DNAH5: variants seen among roughly 807,000 people sequenced by gnomAD.
DNAH5 encodes axonemal beta dynein heavy chain 5.
A neutral mutation model predicts 518.2 loss-of-function variants in DNAH5; 372 were observed. That is an observed-to-expected ratio of 0.72 (90% CI 0.66 to 0.78). The LOEUF (loss-of-function observed/expected upper bound fraction) is 0.78, where lower values mean the gene tolerates loss of function less well. Among genes scored for constraint, DNAH5 ranks in the 30% least tolerant of loss-of-function variants. The pLI is 0.00. For missense variants in DNAH5, 5,523 were observed against 5,687.0 expected (o/e 0.97, Z 0.93); for synonymous variants, 2,039 against 2,025.9 (o/e 1.01, Z -0.17).
At chr5:13,833,354 A>G (rs60743484) in intron 35 of DNAH5, among the ~76,000 whole-genome samples, 61,867 of 150,314 alleles carry the variant, frequency 0.41, 13,151 homozygotes, top group East Asian at 0.61. Flanking sequence ...CAGGAGAACC[A>G]CTTGAACCTG....
At chr5:13,713,685 G>C (rs1053652979) in intron 75 of DNAH5, among the ~76,000 whole-genome samples, 14 of 148,112 alleles carry the variant, frequency 9.5e-5, no homozygotes, top group African/African-American at 3.5e-4. Flanking sequence ...TTGGGGACTT[G>C]GGGGGAAGAG....
At position 13,701,323 on chromosome 5, in the gene DNAH5, A is replaced by T. The variant is rs758092290; in HGVS notation, c.13452T>A (p.Gly4484=). The T allele has an allele frequency of 6.2e-6, 10 of 1,613,966 alleles. No homozygotes were observed. The highest frequency in any genetic ancestry group is 3.3e-5 in the Admixed American group (2 of 59,994). The change falls in exon 77 of 79, where the codon GGT becomes GGA. Residue 4484 remains glycine (G), a synonymous_variant. Transcript: ENST00000265104. ...NGRPHCFWMT[G]FFNPQGFLTA... ...TTAAAAATCCCTGGGGGTTAAAAAA[A>T]CCCGTCATCCAAAAGCAGTGAGGTC...
intron 1 of DNAH5, among the ~76,000 whole-genome samples, chr5:13,987,225 A>G (rs1450140442): frequency 1.3e-5 from 2 of 151,970 alleles, no homozygotes; most frequent in African/African-American, 2.4e-5. Flanking sequence ...CATAAATTTC[A>G]TAACACAAAT....
chr5:13,820,624 A>C (rs1341500624), intron 40 of DNAH5, 125 bp from the exon 41 acceptor site: 11 of 1,098,908 alleles, frequency 1.0e-5, no homozygotes, highest in Admixed American at 3.5e-5. Context: ...GGAGTTCAAG[A>C]CCAGCCAGGC....
chr5:13,971,432 G>A (rs937639502), intron 1 of DNAH5, among the ~76,000 whole-genome samples: 4 of 152,142 alleles, frequency 2.6e-5, no homozygotes, highest in Non-Finnish European at 5.9e-5. Flanking sequence ...GGGGCTCAAG[G>A]GCTGCTGTTC....
intron 53 of DNAH5, among the ~76,000 whole-genome samples, 177 bp downstream of exon 53, chr5:13,780,652 T>G (rs1754961998): frequency 6.6e-6 from 1 of 152,318 alleles, no homozygotes; most frequent in South Asian, 2.1e-4. Flanking sequence ...AAATTATGAC[T>G]GTGAAATGTT....
intron 39 of DNAH5, among the ~76,000 whole-genome samples, chr5:13,823,784 A>G (rs766671888): frequency 5.3e-5 from 8 of 152,230 alleles, no homozygotes; most frequent in Non-Finnish European, 1.0e-4. Context: ...GACCCTTTAC[A>G]TAGATCCACG....
At chr5:13,986,615 G>A (rs1016752699) in intron 1 of DNAH5, among the ~76,000 whole-genome samples, 1 of 152,166 alleles carries the variant, frequency 6.6e-6, no homozygotes, top group African/African-American at 2.4e-5. Flanking sequence ...CATGTGTGCA[G>A]AGATGAGAGC....
intron 21 of DNAH5, 94 bp from the exon 22 acceptor site, chr5:13,876,911 C>T: frequency 2.3e-6 from 3 of 1,293,034 alleles, no homozygotes; most frequent in Non-Finnish European, 2.2e-6. Context: ...AAAGCAAGGA[C>T]TTCTGAAAAT....
chr5:13,697,768 T>A lies in DNAH5; in HGVS notation c.13723+2872A>T, dbSNP rs550504735. On this transcript the variant is annotated intron_variant, in intron 78 of 78. Coordinates refer to ENST00000265104, the MANE Select transcript of DNAH5 (RefSeq NM_001369.3). ...TAAACTCTTCATCAAACCCAGCACA[T>A]CCATTACCACCTCATGACTTTCCAC... Among the ~76,000 whole-genome samples, 13 of 152,284 alleles carry A rather than the reference T, an allele frequency of 8.5e-5. No individual in the cohort carries two copies. The South Asian group carries it at 2.7e-3, about 32-fold the overall frequency.
At chr5:13,724,891 G>A (rs534801916) in intron 70 of DNAH5, among the ~76,000 whole-genome samples, 1 of 152,302 alleles carries the variant, frequency 6.6e-6, no homozygotes, top group Non-Finnish European at 1.5e-5. Context: ...CATGCTTCCT[G>A]TACAACCTGC....
intron 15 of DNAH5, among the ~76,000 whole-genome samples, chr5:13,896,086 A>C (rs1580786847): frequency 6.6e-6 from 1 of 152,102 alleles, no homozygotes; most frequent in South Asian, 2.1e-4. Context: ...AAATGTGGAA[A>C]GCAAGTCAGA....
At position 13,933,707 on chromosome 5, in the gene DNAH5, T is replaced by C. The variant is rs535909486; in HGVS notation, c.58-2463A>G. ...TGGGAGGATGAGGCAGGAGAATCAC[T>C]TGAACCCAAAAAGCAGAGGTTGCAG... On this transcript the variant is annotated intron_variant, in intron 1 of 78. Coordinates refer to ENST00000265104, the MANE Select transcript of DNAH5 (RefSeq NM_001369.3). Among the ~76,000 whole-genome samples, 111 of 149,466 alleles carry C rather than the reference T, an allele frequency of 7.4e-4. 2 individuals carry two copies. Among genetic ancestry groups the C allele is most frequent in the African/African-American group, 2.5e-3 (99 of 40,238 alleles).
chr5:13,794,252 T>C (rs971667464), intron 47 of DNAH5, among the ~76,000 whole-genome samples, 194 bp from the exon 48 acceptor site: 1 of 152,198 alleles, frequency 6.6e-6, no homozygotes, highest in African/African-American at 2.4e-5. Flanking sequence ...AATTTGAAAA[T>C]CCAGTTTAAT....
intron 42 of DNAH5, among the ~76,000 whole-genome samples, chr5:13,817,028 G>T (rs1761535985): frequency 6.6e-6 from 1 of 152,154 alleles, no homozygotes. Flanking sequence ...TGAACCGCTA[G>T]CCCTTAATGA....
chr5:13,948,866 G>A (rs1027100333), upstream of DNAH5, among the ~76,000 whole-genome samples: 2 of 152,148 alleles, frequency 1.3e-5, no homozygotes, highest in African/African-American at 4.8e-5. Context: ...GGAAACTGTG[G>A]TCACCCAAAC....
intron 53 of DNAH5, among the ~76,000 whole-genome samples, chr5:13,778,923 G>A (rs532275443): frequency 6.6e-6 from 1 of 152,198 alleles, no homozygotes; most frequent in East Asian, 1.9e-4. Context: ...GCCACAGTGA[G>A]AGTGGTGGTT....
chr5:13,926,442 G>C (rs1448688622), intron 3 of DNAH5, among the ~76,000 whole-genome samples: 2 of 152,300 alleles, frequency 1.3e-5, no homozygotes, highest in Admixed American at 1.3e-4. Context: ...AGCTGATGTG[G>C]ACAAGGGGTA....
rs569989280 is a variant in DNAH5, at chr5:13,857,675, A to G, written c.4950+1777T>C. On this transcript the variant is annotated intron_variant, in intron 30 of 78. Coordinates refer to ENST00000265104, the MANE Select transcript of DNAH5 (RefSeq NM_001369.3). ...GGTACCAAAACAGATATATAGACCA[A>G]GGGAACAGAACAGAAGCTTCAGAAA... 2.0e-5 allele frequency among the ~76,000 whole-genome samples: 3 copies of G among 152,298 alleles called. No homozygotes were observed. In the East Asian group the frequency reaches 5.8e-4, roughly 29 times the overall value.
Sources: allele counts gnomAD v4.1 joint callset (sites outside exome capture counted in the v4.1 genomes callset), GRCh38; gene constraint gnomAD v4.1.1; transcripts MANE v1.5; gene names NCBI Gene and HGNC (gene_info 2026-07-23, HGNC 2026-07-21).